Variants in LRRC4C observed in about 807,000 individuals in gnomAD.
LRRC4C encodes the protein leucine rich repeat containing 4C, also known as leucine-rich repeat-containing protein 4C.
A neutral mutation model predicts 33.6 loss-of-function variants in LRRC4C; 5 were observed. That is an observed-to-expected ratio of 0.15 (90% CI 0.08 to 0.31). The LOEUF is 0.31. LRRC4C is among the 10% of genes least tolerant of loss of function. The pLI, the probability that LRRC4C is intolerant of heterozygous loss-of-function variation, is 1.00. For synonymous variants in LRRC4C, 329 were observed against 302.0 expected, an observed-to-expected ratio of 1.09 and a Z score of -0.93; for missense variants, 560 against 796.7, an observed-to-expected ratio of 0.70 and a Z score of 3.58.
At chr11:40,746,921 T>C (rs1263976367) in intron 2 of LRRC4C, among the ~76,000 whole-genome samples, 2 of 152,208 alleles carry the variant, frequency 1.3e-5, no homozygotes, top group African/African-American at 4.8e-5. Context: ...AGGGTCATCC[T>C]GCCACTGCCA....
At chr11:40,615,888 TGAA>T (rs1183076714) in intron 3 of LRRC4C, among the ~76,000 whole-genome samples, 3 of 151,786 alleles carry the variant, frequency 2.0e-5, no homozygotes, top group Non-Finnish European at 4.4e-5. Flanking sequence ...CTCAAACTAA[TGAA>T]GAAAATCTGC....
At chr11:40,672,318 A>G (rs1313604057) in intron 2 of LRRC4C, among the ~76,000 whole-genome samples, 2 of 152,140 alleles carry the variant, frequency 1.3e-5, no homozygotes, top group Admixed American at 6.5e-5. Context: ...GTCCATCCTT[A>G]TGATCTAATC....
At chr11:40,851,876 C>T (rs1394229190) in intron 2 of LRRC4C, among the ~76,000 whole-genome samples, 1 of 152,234 alleles carries the variant, frequency 6.6e-6, no homozygotes, top group East Asian at 1.9e-4. Context: ...TTGACAGCCA[C>T]ACTTGCCCTT....
chr11:40,421,858 A>G (rs1950535221), intron 3 of LRRC4C, among the ~76,000 whole-genome samples: 1 of 152,248 alleles, frequency 6.6e-6, no homozygotes, highest in South Asian at 2.1e-4. Flanking sequence ...AATTGGACCA[A>G]AAATAATGAT....
chr11:40,671,721 T>C (rs1944128757), intron 2 of LRRC4C, among the ~76,000 whole-genome samples: 1 of 145,898 alleles, frequency 6.9e-6, no homozygotes, highest in Non-Finnish European at 1.5e-5. Context: ...TATATGTAAA[T>C]AGTAATATAT....
At chr11:40,846,939 T>C (rs1169194773) in intron 2 of LRRC4C, among the ~76,000 whole-genome samples, 1 of 152,188 alleles carries the variant, frequency 6.6e-6, no homozygotes, top group Non-Finnish European at 1.5e-5. Flanking sequence ...GGGTGTTTGC[T>C]CATGATTTGG....
chr11:40,966,810 A>G (rs1445696878), intron 1 of LRRC4C, among the ~76,000 whole-genome samples: 1 of 151,968 alleles, frequency 6.6e-6, no homozygotes, highest in Admixed American at 6.6e-5. Flanking sequence ...TCCAGACTGC[A>G]ATTACACATG....
chr11:41,349,880 C>T (rs1951919044), intron 1 of LRRC4C, among the ~76,000 whole-genome samples: 1 of 152,108 alleles, frequency 6.6e-6, no homozygotes, highest in South Asian at 2.1e-4. Flanking sequence ...TATATGTTAA[C>T]ATATGATTTA....
intron 1 of LRRC4C, among the ~76,000 whole-genome samples, chr11:41,325,577 T>TTTTTTGTGTG (rs202169756): frequency 9.6e-6 from 1 of 104,160 alleles, no homozygotes; most frequent in African/African-American, 3.4e-5. Flanking sequence ...TTTTTTTTTT[T>TTTTTTGTGTG]TGTGTGTGTG....
chr11:40,150,862 A>G (rs970031883), intron 5 of LRRC4C, among the ~76,000 whole-genome samples: 5 of 152,246 alleles, frequency 3.3e-5, no homozygotes, highest in Admixed American at 2.6e-4. Context: ...TAGAAGTAGA[A>G]GATTAAGAAT....
intron 3 of LRRC4C, among the ~76,000 whole-genome samples, chr11:40,554,655 T>G (rs1957258580): frequency 1.3e-5 from 2 of 152,000 alleles, no homozygotes; most frequent in African/African-American, 4.8e-5. Context: ...ATTTTGTAGC[T>G]CTCCTTGTAA....
At chr11:41,353,735 G>A (rs115577353) in intron 1 of LRRC4C, among the ~76,000 whole-genome samples, 46 of 152,224 alleles carry the variant, frequency 3.0e-4, no homozygotes, top group African/African-American at 1.1e-3. Context: ...ATCCATAAAT[G>A]TGATTCATTA....
At chr11:40,906,507 T>C (rs1392166527) in intron 2 of LRRC4C, among the ~76,000 whole-genome samples, 1 of 152,170 alleles carries the variant, frequency 6.6e-6, no homozygotes, top group Non-Finnish European at 1.5e-5. Flanking sequence ...CGAGACTCCA[T>C]CTCAAAACAA....
At chr11:41,178,543 A>T (rs1722591447) in intron 1 of LRRC4C, among the ~76,000 whole-genome samples, 1 of 151,916 alleles carries the variant, frequency 6.6e-6, no homozygotes, top group Admixed American at 6.6e-5. Flanking sequence ...TTTTTGTAGA[A>T]ACAGGGTCTT....
At chr11:40,873,672 A>C (rs1954755011) in intron 2 of LRRC4C, among the ~76,000 whole-genome samples, 1 of 152,114 alleles carries the variant, frequency 6.6e-6, no homozygotes, top group Admixed American at 6.6e-5. Flanking sequence ...CCCATACAGC[A>C]TGGATTAGAC....
At chr11:40,922,833 T>C (rs753306012) in intron 2 of LRRC4C, among the ~76,000 whole-genome samples, 3 of 151,620 alleles carry the variant, frequency 2.0e-5, no homozygotes, top group Non-Finnish European at 2.9e-5. Flanking sequence ...AATGTGATAC[T>C]TTTTTTTTCA....
chr11:41,458,334 A>C (rs1453280721), intron 1 of LRRC4C, among the ~76,000 whole-genome samples: 1 of 152,168 alleles, frequency 6.6e-6, no homozygotes, highest in Non-Finnish European at 1.5e-5. Context: ...TGTTGCCTTC[A>C]TGTGAGGTCT....
intron 2 of LRRC4C, among the ~76,000 whole-genome samples, chr11:40,817,682 C>T (rs1951761669): frequency 6.6e-6 from 1 of 152,092 alleles, no homozygotes; most frequent in African/African-American, 2.4e-5. Context: ...CTGGTAATCA[C>T]TTTTGAATCT....
chr11:40,677,118 G>A (rs1376602908), intron 2 of LRRC4C, among the ~76,000 whole-genome samples: 1 of 152,124 alleles, frequency 6.6e-6, no homozygotes, highest in African/African-American at 2.4e-5. Context: ...GGGCGTGGTG[G>A]CTCATGCCTG....
Sources: allele counts gnomAD v4.1 joint callset (sites outside exome capture counted in the v4.1 genomes callset), GRCh38; gene constraint gnomAD v4.1.1; transcripts MANE v1.5; gene names NCBI Gene and HGNC (gene_info 2026-07-23, HGNC 2026-07-21).